RAB2B: variants seen among roughly 807,000 people sequenced by gnomAD.
RAB2B encodes ras-related protein Rab-2B.
RAB2B carries 20 observed loss-of-function variants against 29.8 expected under a neutral mutation model. The observed-to-expected ratio is 0.67, with a 90% confidence interval of 0.47 to 0.97. The LOEUF (loss-of-function observed/expected upper bound fraction) is 0.97, where lower values mean the gene tolerates loss of function less well. Among genes scored for constraint, RAB2B ranks in the 50% least tolerant of loss-of-function variants. The probability of loss-of-function intolerance (pLI) is 0.00; values close to 1 mark genes in which losing one functional copy is unlikely to be tolerated. For synonymous variants in RAB2B, 93 were observed against 91.7 expected, an observed-to-expected ratio of 1.01 and a Z score of -0.08; for missense variants, 218 against 272.0, an observed-to-expected ratio of 0.80 and a Z score of 1.40.
intron 2 of RAB2B, 23 bp downstream of exon 2, chr14:21,476,505 C>G: frequency 6.2e-7 from 1 of 1,613,658 alleles, no homozygotes; most frequent in Non-Finnish European, 8.5e-7. Context: ...ATCATCTGTT[C>G]TGGAACAAGT....
At position 21,468,402 on chromosome 14, in the gene RAB2B, T is replaced by C. The variant is rs1485295292; in HGVS notation, c.317A>G (p.Gln106Arg). ...GATAACCATGTTGGAACTAGAGTGC[T>C]GCCGGGCATCCTCTAACCATGAGGT... ...HLTSWLEDARQHSSSNMVIML... is the reference protein window; with the variant it reads ...HLTSWLEDARRHSSSNMVIML... Residue 106 changes from glutamine (Q) to arginine (R), a missense_variant, in exon 5 of 8, where the codon CAG (glutamine) becomes CGG (arginine). Coordinates refer to ENST00000397762, the MANE Select transcript of RAB2B (RefSeq NM_032846.4). 1.2e-6 allele frequency: 2 copies of C among 1,614,000 alleles called. No homozygotes were observed. Among genetic ancestry groups the C allele is most frequent in the African/African-American group, 2.7e-5 (2 of 74,882 alleles).
chr14:21,470,013 G>A (rs868038265), intron 3 of RAB2B, among the ~76,000 whole-genome samples: 3 of 147,512 alleles, frequency 2.0e-5, no homozygotes, highest in African/African-American at 5.2e-5. Flanking sequence ...GTGCAGTGGC[G>A]CAATCTTGGC....
At position 21,468,370 on chromosome 14, in the gene RAB2B, T is replaced by G. The variant is rs1424773261; in HGVS notation, c.349A>C (p.Ile117Leu). The G allele has an allele frequency of 3.1e-6, 5 of 1,613,288 alleles. No individual in the cohort carries two copies. Among genetic ancestry groups the G allele is most frequent in the Middle Eastern group, 1.6e-4 (1 of 6,062 alleles). Residue 117 changes from isoleucine to leucine, a missense_variant, in exon 5 of 8, where the codon ATT becomes CTT. Transcript: ENST00000397762. ...ATACAATTTTACCTCTTATTCCCAA[T>G]GAGCATGATAACCATGTTGGAACTA... ...HSSSNMVIMLIGNKSDLESRR... is the reference protein window; with the variant it reads ...HSSSNMVIMLLGNKSDLESRR...
chr14:21,476,753 C>T (rs774021114), intron 1 of RAB2B, 74 bp downstream of exon 1: 8 of 1,549,570 alleles, frequency 5.2e-6, no homozygotes, highest in African/African-American at 1.4e-5. Context: ...ACAAAGTGAG[C>T]CCCGCCCCCG....
chr14:21,475,608 A>G (rs1302550206), intron 2 of RAB2B, among the ~76,000 whole-genome samples: 1 of 152,002 alleles, frequency 6.6e-6, no homozygotes, highest in Non-Finnish European at 1.5e-5. Context: ...TTTTTTAACA[A>G]TACATTTTAC....
chr14:21,476,746 A>G (rs1890984485), intron 1 of RAB2B, 81 bp downstream of exon 1: 1 of 1,590,358 alleles, frequency 6.3e-7, no homozygotes, highest in East Asian at 2.2e-5. Flanking sequence ...CCAGCCCACA[A>G]AGTGAGCCCC....
In RAB2B at chr14:21,476,844, A is replaced by G. The variant is rs768849741; in HGVS notation, c.29T>C (p.Ile10Thr). The stretch of plus-strand genomic sequence containing the variant: ...AGGGTTACCTGTGTCTCCGATGATG[A>G]TATACTTGAAGAGATAAGCATAAGT... MTYAYLFKY[I>T]IIGDTGVGKS... Residue 10 changes from isoleucine (I) to threonine (T), a missense_variant, in exon 1 of 8, where the codon ATC (isoleucine) becomes ACC (threonine). Ile to Thr is a moderately conservative substitution (Grantham distance 89). Coordinates refer to ENST00000397762, the MANE Select transcript of RAB2B (RefSeq NM_032846.4). 1.2e-6 allele frequency: 2 copies of G among 1,613,132 alleles called. No homozygotes were observed. Among genetic ancestry groups the G allele is most frequent in the Non-Finnish European group, 8.5e-7 (1 of 1,179,966 alleles).
Position 21,468,227 on chromosome 14 carries a change from T to C in RAB2B, c.362+130A>G, listed in dbSNP as rs183879480. The C allele has an allele frequency of 9.8e-3, 6,399 of 652,000 alleles. 52 individuals carry two copies. Among genetic ancestry groups the C allele is most frequent in the Non-Finnish European group, 0.014 (5,303 of 379,028 alleles). The allele number at this position is 652,000 out of a possible 1,614,324, so 40.4% of individuals were successfully genotyped here. ...GGTAAATTTTGTGTCATATATATTTTATCACAACAAAATTTTTTTTTTTTA... is the reference window on the plus strand; with the variant it reads ...GGTAAATTTTGTGTCATATATATTTCATCACAACAAAATTTTTTTTTTTTA... On this transcript the variant is annotated intron_variant, in intron 5 of 7. Coordinates refer to ENST00000397762, the MANE Select transcript of RAB2B (RefSeq NM_032846.4).
chr14:21,467,727 A>G (rs552621373), intron 5 of RAB2B, among the ~76,000 whole-genome samples: 1 of 152,212 alleles, frequency 6.6e-6, no homozygotes, highest in Non-Finnish European at 1.5e-5. Flanking sequence ...CATATACCCA[A>G]AAGAATTCAG....
At position 21,460,190 on chromosome 14, in the gene RAB2B, A is replaced by C. The variant is rs1386496206; in HGVS notation, c.*1006T>G. The C allele has an allele frequency of 1.9e-6, 1 of 518,994 alleles. No individual in the cohort carries two copies. The highest frequency in any genetic ancestry group is 3.8e-6 in the Non-Finnish European group (1 of 259,860). 32.1% of individuals were successfully genotyped at this position (518,994 alleles called of 1,614,324 possible). A position where few individuals can be genotyped will look rare whatever the true frequency, so the allele number is the denominator to read the frequency against. On this transcript the variant is annotated 3_prime_UTR_variant, in exon 8 of 8. Coordinates refer to ENST00000397762, the MANE Select transcript of RAB2B (RefSeq NM_032846.4). The stretch of plus-strand genomic sequence containing the variant: ...ACTCAATGAAATTCCGAGGCAGAGG[A>C]TCTATCAACCAAAGGCCAACTAGAT...
At chr14:21,473,905 G>C (rs377126682) in intron 3 of RAB2B, among the ~76,000 whole-genome samples, 2 of 152,244 alleles carry the variant, frequency 1.3e-5, no homozygotes, top group African/African-American at 4.8e-5. Context: ...CCAGCTATTC[G>C]GGAGGCTGAG....
At chr14:21,466,878 A>T (rs1890698224) in intron 5 of RAB2B, among the ~76,000 whole-genome samples, 1 of 152,104 alleles carries the variant, frequency 6.6e-6, no homozygotes, top group Non-Finnish European at 1.5e-5. Context: ...AGAGGTCTTT[A>T]GTAAGTAACT....
At chr14:21,475,469 C>CA (rs1475273978) in intron 2 of RAB2B, among the ~76,000 whole-genome samples, 3 of 137,650 alleles carry the variant, frequency 2.2e-5, no homozygotes, top group African/African-American at 8.1e-5. Flanking sequence ...CTCGCTCCGT[C>CA]ACCCAGGCTG....
intron 5 of RAB2B, 24 bp from the exon 6 acceptor site, chr14:21,463,791 A>G: frequency 6.9e-7 from 1 of 1,446,938 alleles, no homozygotes; most frequent in East Asian, 2.3e-5. Flanking sequence ...ATTAAGGAGA[A>G]AATTTAAAAA....
intron 5 of RAB2B, among the ~76,000 whole-genome samples, chr14:21,467,227 T>G (rs1217371099): frequency 1.3e-5 from 2 of 151,974 alleles, no homozygotes; most frequent in Non-Finnish European, 2.9e-5. Flanking sequence ...TTTTTTTATA[T>G]AGGGTCTCAC....
At chr14:21,472,019 C>T (rs900705497) in intron 3 of RAB2B, among the ~76,000 whole-genome samples, 4 of 152,028 alleles carry the variant, frequency 2.6e-5, no homozygotes, top group African/African-American at 9.7e-5. Context: ...TCTAATCTCT[C>T]CCAAGTGGAA....
intron 5 of RAB2B, among the ~76,000 whole-genome samples, chr14:21,464,245 C>T (rs1384707590): frequency 6.6e-6 from 1 of 152,042 alleles, no homozygotes; most frequent in Non-Finnish European, 1.5e-5. Context: ...ACTAAAAATA[C>T]AAAAATTAGC....
rs746580788 is a variant in RAB2B at position 21,476,913 on chromosome 14, T to C, written c.-41A>G. 4.4e-6 allele frequency: 7 copies of C among 1,608,500 alleles called. No homozygotes were observed. In the African/African-American group the frequency reaches 5.3e-5, roughly 12 times the overall value. ...GGGTTCCGGGTCCGCCCGACTTCTA[T>C]AGCCACTTACCTCCGACCTCTCTAG... On this transcript the variant is annotated 5_prime_UTR_variant, in exon 1 of 8. Transcript: ENST00000397762.
chr14:21,476,736 C>T, intron 1 of RAB2B, 91 bp downstream of exon 1: 1 of 1,595,994 alleles, frequency 6.3e-7, no homozygotes, highest in African/African-American at 1.3e-5. Flanking sequence ...CTCGAATCGC[C>T]CAGCCCACAA....
Sources: allele counts gnomAD v4.1 joint callset (sites outside exome capture counted in the v4.1 genomes callset), GRCh38; gene constraint gnomAD v4.1.1; transcripts MANE v1.5; gene names NCBI Gene and HGNC (gene_info 2026-07-23, HGNC 2026-07-21).